Variants in SHTN1 observed in about 807,000 individuals in gnomAD.
SHTN1 encodes the protein shootin 1, also known as shootin-1.
SHTN1 carries 42 observed loss-of-function variants against 83.1 expected under a neutral mutation model. That is an observed-to-expected ratio of 0.51 (90% CI 0.39 to 0.65). The LOEUF (loss-of-function observed/expected upper bound fraction) is 0.65, where lower values mean the gene tolerates loss of function less well. Ranked by LOEUF, SHTN1 falls within the 30% of genes least tolerant of loss-of-function variation. The pLI, the probability that SHTN1 is intolerant of heterozygous loss-of-function variation, is 0.00. For missense variants in SHTN1, 622 were observed against 737.8 expected (o/e 0.84, Z 1.82); for synonymous variants, 224 against 247.7 (o/e 0.90, Z 0.90).
At chr10:117,108,472 C>T (rs1025675858) in intron 1 of SHTN1, among the ~76,000 whole-genome samples, 17 of 149,480 alleles carry the variant, frequency 1.1e-4, no homozygotes, top group African/African-American at 4.2e-4. Context: ...AAACCAAACA[C>T]CGCATGTTCT....
chr10:116,983,133 G>A, intron 1 of SHTN1, among the ~76,000 whole-genome samples: 1 of 152,128 alleles, frequency 6.6e-6, no homozygotes, highest in East Asian at 1.9e-4. Flanking sequence ...TGACAGCCGA[G>A]CACTTACTGG....
intron 2 of SHTN1, among the ~76,000 whole-genome samples, chr10:117,029,894 C>T (rs911080138): frequency 1.8e-5 from 2 of 113,404 alleles, no homozygotes; most frequent in Non-Finnish European, 1.8e-5. Flanking sequence ...CTCTCTCTTT[C>T]TTTTTTTTTT....
intron 1 of SHTN1, among the ~76,000 whole-genome samples, chr10:116,992,386 C>T (rs1227746468): frequency 1.3e-5 from 2 of 152,166 alleles, no homozygotes; most frequent in African/African-American, 2.4e-5. Flanking sequence ...AAAAATAGGA[C>T]GTGCCTCTAA....
intron 1 of SHTN1, among the ~76,000 whole-genome samples, chr10:117,097,923 G>A (rs1029707487): frequency 1.3e-5 from 2 of 151,472 alleles, no homozygotes; most frequent in African/African-American, 4.9e-5. Flanking sequence ...AACAGATTCA[G>A]ATAATGGCAA....
intron 10 of SHTN1, among the ~76,000 whole-genome samples, chr10:116,928,986 C>G (rs187007458): frequency 9.2e-5 from 14 of 152,240 alleles, no homozygotes; most frequent in African/African-American, 3.4e-4. Context: ...ACAGGCTACT[C>G]TGATATTCAC....
chr10:117,053,288 T>G (rs568082276), intron 1 of SHTN1, among the ~76,000 whole-genome samples: 1 of 152,014 alleles, frequency 6.6e-6, no homozygotes, highest in African/African-American at 2.4e-5. Context: ...TTAAAATATT[T>G]TGTGCTTCAA....
At position 116,897,878 on chromosome 10, in the gene SHTN1, T is replaced by A. The variant is rs1486699751; in HGVS notation, c.1673+3887A>T. Among the ~76,000 whole-genome samples the A allele has an allele frequency of 2.0e-5, 3 of 152,102 alleles. 1 individual carries two copies. The South Asian group carries it at 6.2e-4, about 32-fold the overall frequency. ...TGTGGACAGGCACCGGCTTAGAAAA[T>A]AAATCACATTGTTTCCTTGTTACTC... On this transcript the variant is annotated intron_variant, in intron 16 of 16. Transcript: ENST00000355371.
intron 1 of SHTN1, among the ~76,000 whole-genome samples, chr10:116,992,174 A>C (rs1198584446): frequency 6.6e-6 from 1 of 152,162 alleles, no homozygotes; most frequent in South Asian, 2.1e-4. Flanking sequence ...AAACAAAACA[A>C]AAAAACAAAT....
chr10:116,937,812 G>C (rs909730000), intron 9 of SHTN1, among the ~76,000 whole-genome samples: 1 of 151,892 alleles, frequency 6.6e-6, no homozygotes, highest in Non-Finnish European at 1.5e-5. Context: ...TCAAACGTAG[G>C]TTTGGTCTTT....
intron 3 of SHTN1, among the ~76,000 whole-genome samples, chr10:116,962,842 T>C (rs1325017807): frequency 6.6e-6 from 1 of 152,020 alleles, no homozygotes; most frequent in African/African-American, 2.4e-5. Context: ...TAAGAAATTA[T>C]TCCAGTGCTA....
chr10:117,005,194 G>T, upstream of SHTN1: 1 of 1,531,602 alleles, frequency 6.5e-7, no homozygotes, highest in Non-Finnish European at 8.8e-7. Flanking sequence ...CCCGGAAGTT[G>T]GATCCGCTCC....
At chr10:116,967,842 A>G (rs1850452521) in intron 3 of SHTN1, among the ~76,000 whole-genome samples, 1 of 152,216 alleles carries the variant, frequency 6.6e-6, no homozygotes, top group Non-Finnish European at 1.5e-5. Flanking sequence ...AGAATAATTA[A>G]ATACATTATG....
intron 8 of SHTN1, among the ~76,000 whole-genome samples, chr10:116,944,566 A>T (rs1905544): frequency 0.6 from 90,670 of 151,946 alleles, 29,543 homozygotes; most frequent in Middle Eastern, 0.76. Context: ...AATTTGTCTG[A>T]TATGTCGTCT....
intron 1 of SHTN1, among the ~76,000 whole-genome samples, chr10:117,096,180 A>T (rs976226269): frequency 1.4e-5 from 2 of 145,426 alleles, no homozygotes; most frequent in African/African-American, 4.9e-5. Context: ...TCAAAAAAAT[A>T]AAGTGTAACG....
chr10:116,970,327 A>G (rs190799541), intron 2 of SHTN1, among the ~76,000 whole-genome samples: 2 of 152,338 alleles, frequency 1.3e-5, no homozygotes, highest in East Asian at 1.9e-4. Flanking sequence ...AAAATGTTCC[A>G]CATTTTTAAT....
chr10:116,951,933 G>T lies in SHTN1; in HGVS notation c.510C>A (p.Ser170Arg). ...ILAIELENLK[S>R]KLVEVIEEVN... ...CTTCTTCAATTACTTCTACGAGTTT[G>T]CTCTTGAGATTTTCCAGCTCAATGG... The change falls in exon 6 of 17, where the codon AGC becomes AGA. Residue 170 changes from serine to arginine, a missense_variant. Ser to Arg is a moderately radical substitution (Grantham distance 110). Around this residue, in one of 3 missense-constraint regions of SHTN1, gnomAD observed 383 missense variants for 455.8 expected, o/e 0.84. Transcript: ENST00000355371. The T allele has an allele frequency of 2.5e-6, 4 of 1,592,518 alleles. No homozygotes were observed. Among genetic ancestry groups the T allele is most frequent in the Non-Finnish European group, 2.6e-6 (3 of 1,165,560 alleles).
intron 2 of SHTN1, among the ~76,000 whole-genome samples, chr10:117,043,226 C>T (rs1852611615): frequency 6.6e-6 from 1 of 152,046 alleles, no homozygotes; most frequent in East Asian, 1.9e-4. Context: ...CTCCGCCTCC[C>T]AGGTTCGCGC....
chr10:117,106,247 G>C (rs2133634511), intron 1 of SHTN1, among the ~76,000 whole-genome samples: 1 of 152,266 alleles, frequency 6.6e-6, no homozygotes, highest in African/African-American at 2.4e-5. Context: ...AGGAGGTCAA[G>C]AGATCAAGAC....
At chr10:116,908,043 AT>A in intron 14 of SHTN1, 1 of 443,122 alleles carries the variant, frequency 2.3e-6, no homozygotes, top group Middle Eastern at 3.4e-4. Flanking sequence ...ATGGTTACAA[AT>A]CTCATAATTA....
Sources: gnomAD v4.1 joint callset for allele counts (sites outside exome capture counted in the v4.1 genomes callset) on GRCh38, gnomAD v4.1.1 for gene constraint, gnomAD v4.1.1 regional missense constraint, MANE v1.5 for transcripts, NCBI Gene and HGNC (gene_info 2026-07-23, HGNC 2026-07-21) for gene names.